Variants in FYB1 observed in about 807,000 individuals in gnomAD.
FYB1 encodes the protein FYN binding protein 1, also known as FYN-binding protein 1.
In FYB1, 41 loss-of-function variants were observed where a neutral mutation model predicts 94.1. The ratio of observed to expected loss-of-function variants is 0.44; its 90% CI spans 0.34 to 0.57. The LOEUF (loss-of-function observed/expected upper bound fraction) is 0.57, where lower values mean the gene tolerates loss of function less well. Among genes scored for constraint, FYB1 ranks in the 20% least tolerant of loss-of-function variants. The pLI is 0.02. For missense variants in FYB1, 1,050 were observed against 976.8 expected (o/e 1.07, Z -1.00); for synonymous variants, 367 against 353.2 (o/e 1.04, Z -0.44).
At chr5:39,169,510 C>T (rs901415315) in intron 2 of FYB1, 1 of 594,286 alleles carries the variant, frequency 1.7e-6, no homozygotes, top group South Asian at 1.5e-5. Context: ...CTACTACTTC[C>T]AGAGGCAGAG....
Position 39,186,168 on chromosome 5 carries a change from G to A in FYB1, c.1135+15658C>T, listed in dbSNP as rs138423704. Among the ~76,000 whole-genome samples, 340 of 152,228 alleles carry A rather than the reference G, an allele frequency of 2.2e-3. 1 individual carries two copies. The highest frequency in any genetic ancestry group is 8.0e-3 in the African/African-American group (332 of 41,528). Reference sequence around the variant, plus strand: ...TCAAGAATTTTCAAACATTGAAAAGGCAACACACACACTTTGGGAGGCGAA... The same window carrying A: ...TCAAGAATTTTCAAACATTGAAAAGACAACACACACACTTTGGGAGGCGAA... On this transcript the variant is annotated intron_variant, in intron 2 of 18. Transcript: ENST00000512982.
At position 39,194,531 on chromosome 5, in the gene FYB1, A is replaced by G. The variant is rs191538608; in HGVS notation, c.1135+7295T>C. On this transcript the variant is annotated intron_variant, in intron 2 of 18. Transcript: ENST00000512982. ...AAGCAAGACCCTGTCTCAAAAAATA[A>G]AAAAGAAAGACAGAAAAAGGAAGGA... Among the ~76,000 whole-genome samples the G allele has an allele frequency of 2.6e-3, 397 of 151,984 alleles. 5 individuals carry two copies. The highest frequency in any genetic ancestry group is 9.1e-3 in the African/African-American group (376 of 41,514).
chr5:39,158,155 A>G (rs763095077), intron 2 of FYB1, among the ~76,000 whole-genome samples: 2 of 152,236 alleles, frequency 1.3e-5, no homozygotes, highest in Non-Finnish European at 2.9e-5. Flanking sequence ...CTAGAACACA[A>G]AAACAATTCT....
In FYB1 at chr5:39,202,596, T is replaced by C. The variant is rs767182595; in HGVS notation, c.365A>G (p.Lys122Arg). 77 of 1,613,786 alleles carry C rather than the reference T, an allele frequency of 4.8e-5. No individual in the cohort carries two copies. Among genetic ancestry groups the C allele is most frequent in the Non-Finnish European group, 6.4e-5 (76 of 1,179,884 alleles). The change falls in exon 2 of 19, where the codon AAA becomes AGA. Residue 122 changes from lysine (K) to arginine (R), a missense_variant. By Grantham distance (26) the Lys-to-Arg change is conservative. Transcript: ENST00000512982. ...PVGPKPINLP[K>R]EDSKPTFPWP... ...GGGAAATGTAGGTTTGGAATCTTCT[T>C]TGGGCAAGTTGATGGGCTTGGGGCC...
chr5:39,126,045 T>C lies in FYB1; in HGVS notation c.1998A>G (p.Ile666Met), dbSNP rs748280176. 47 of 1,613,544 alleles carry C rather than the reference T, an allele frequency of 2.9e-5. No individual in the cohort carries two copies. Among genetic ancestry groups the C allele is most frequent in the Middle Eastern group, 3.3e-4 (2 of 6,058 alleles). Residue 666 changes from isoleucine to methionine, a missense_variant, in exon 12 of 19, where the codon ATA (isoleucine) becomes ATG (methionine). Physicochemically the swap from Ile to Met is conservative, Grantham distance 10. Transcript: ENST00000512982. ...LKGKDDRKKSIREKPKVSDSD... is the reference protein window; with the variant it reads ...LKGKDDRKKSMREKPKVSDSD... ...AGTCAGAGACTTTAGGTTTCTCTCG[T>C]ATACTTTTCTTTCTGTCATCTTTTC...
chr5:39,115,121 C>A (rs1315755978), intron 16 of FYB1, among the ~76,000 whole-genome samples: 4 of 143,628 alleles, frequency 2.8e-5, no homozygotes, highest in African/African-American at 5.2e-5. Context: ...TTTGAGATGG[C>A]GTCTCGCTCT....
intron 3 of FYB1, among the ~76,000 whole-genome samples, chr5:39,142,589 A>C (rs990382486): frequency 9.2e-5 from 14 of 152,108 alleles, no homozygotes; most frequent in African/African-American, 3.4e-4. Flanking sequence ...CCTCAGCCCA[A>C]GTTACTGCCA....
intron 17 of FYB1, 131 bp from the exon 18 acceptor site, chr5:39,108,393 A>T: frequency 2.7e-6 from 2 of 750,290 alleles, no homozygotes; most frequent in Non-Finnish European, 4.0e-6. Flanking sequence ...GTATGCATTT[A>T]TAAGTAGAAA....
chr5:39,219,755 G>T, upstream of FYB1: 2 of 245,694 alleles, frequency 8.1e-6, no homozygotes, highest in Non-Finnish European at 1.3e-5. Flanking sequence ...TTCCCACCAA[G>T]CATGTGATAT....
chr5:39,114,658 A>G (rs1422246338), intron 16 of FYB1, among the ~76,000 whole-genome samples: 1 of 152,224 alleles, frequency 6.6e-6, no homozygotes, highest in Non-Finnish European at 1.5e-5. Context: ...AGCTAACTAC[A>G]TCACTAAAGC....
At position 39,125,984 on chromosome 5, in the gene FYB1, TG is replaced by T; in HGVS notation, c.2045+13del. On this transcript the variant is annotated intron_variant, in intron 12 of 18. Transcript: ENST00000512982. ...GTAGTTATTGTACACTGGATTTGGTTGGTTGACTCTTACGATGAACCTTCAT... is the reference window on the plus strand; with the variant it reads ...GTAGTTATTGTACACTGGATTTGGTTGTTGACTCTTACGATGAACCTTCAT... 6.2e-7 allele frequency: 1 copy of T among 1,612,286 alleles called. No homozygotes were observed. Among genetic ancestry groups the T allele is most frequent in the South Asian group, 1.1e-5 (1 of 90,990 alleles).
At chr5:39,132,744 G>A (rs1437706675) in intron 9 of FYB1, among the ~76,000 whole-genome samples, 3 of 152,046 alleles carry the variant, frequency 2.0e-5, no homozygotes, top group Admixed American at 6.6e-5. Context: ...GTAAATATGC[G>A]CAAATAATGT....
At chr5:39,167,943 A>G (rs192528368) in intron 2 of FYB1, among the ~76,000 whole-genome samples, 12 of 106,684 alleles carry the variant, frequency 1.1e-4, no homozygotes, top group African/African-American at 2.5e-4. Flanking sequence ...TCTACTCCAC[A>G]ATAAAGTTAT....
At chr5:39,118,734 C>T (rs1481918754) in intron 16 of FYB1, 140 bp downstream of exon 16, 11 of 474,262 alleles carry the variant, frequency 2.3e-5, no homozygotes, top group African/African-American at 1.6e-4. Flanking sequence ...AACTTCTGAA[C>T]GTTTGCCACA....
chr5:39,126,128 G>C lies in FYB1; in HGVS notation c.1915C>G (p.Leu639Val), dbSNP rs747966460. The change falls in exon 12 of 19, where the codon CTA becomes GTA. Residue 639 changes from leucine to valine, a missense_variant. Physicochemically the swap from Leu to Val is conservative, Grantham distance 32. Coordinates refer to ENST00000512982, the MANE Select transcript of FYB1 (RefSeq NM_001465.6). ...GTATTACTCTTCTCTTGAACCTGTA[G>C]TGTGGAGCTTTGGAGCATGCAGGCA... ...EEEDADDGST[L>V]QVQEKSNTWS... is the part of the protein sequence containing the mutation. The C allele has an allele frequency of 1.2e-6, 2 of 1,613,294 alleles. No individual in the cohort carries two copies. The highest frequency in any genetic ancestry group is 3.3e-5 in the Admixed American group (2 of 59,926).
chr5:39,155,625 G>A (rs1371739748), intron 2 of FYB1, among the ~76,000 whole-genome samples: 5 of 152,152 alleles, frequency 3.3e-5, no homozygotes, highest in Non-Finnish European at 5.9e-5. Context: ...CCTAATTTGA[G>A]AACAGATAAT....
chr5:39,191,643 C>A (rs180945226), intron 2 of FYB1, among the ~76,000 whole-genome samples: 1 of 152,172 alleles, frequency 6.6e-6, no homozygotes, highest in African/African-American at 2.4e-5. Flanking sequence ...AGACATATTT[C>A]TTATCTATTT....
At chr5:39,116,853 A>G (rs1416697076) in intron 16 of FYB1, among the ~76,000 whole-genome samples, 6 of 152,094 alleles carry the variant, frequency 3.9e-5, no homozygotes, top group African/African-American at 1.4e-4. Flanking sequence ...CAAAAAAAAA[A>G]AGAATGTCAG....
At chr5:39,255,142 C>T (rs1022163174) in intron 1 of FYB1, among the ~76,000 whole-genome samples, 1 of 152,068 alleles carries the variant, frequency 6.6e-6, no homozygotes, top group African/African-American at 2.4e-5. Flanking sequence ...GAGCTATTTA[C>T]ATTTGGGGGA....
Sources: allele counts gnomAD v4.1 joint callset (sites outside exome capture counted in the v4.1 genomes callset), GRCh38; gene constraint gnomAD v4.1.1; transcripts MANE v1.5; gene names NCBI Gene and HGNC (gene_info 2026-07-23, HGNC 2026-07-21).